Variants in ZNF254 observed in about 807,000 individuals in gnomAD.
ZNF254 encodes the protein zinc finger protein 254.
Under a neutral mutation model 12.4 loss-of-function variants are expected in ZNF254, and 10 were observed. That is an observed-to-expected ratio of 0.80 (90% confidence interval 0.50 to 1.36). The LOEUF (loss-of-function observed/expected upper bound fraction) is 1.36, where lower values mean the gene tolerates loss of function less well. Ranked by LOEUF, ZNF254 falls within the 40% of genes most tolerant of loss-of-function variation. ZNF254 has a pLI of 0.00. For synonymous variants in ZNF254, 305 were observed against 253.4 expected (o/e 1.20, Z -1.93); for missense variants, 996 against 763.9 (o/e 1.30, Z -3.58).
intron 2 of ZNF254, among the ~76,000 whole-genome samples, chr19:24,049,212 A>ATTTT (rs1179977299): frequency 8.3e-4 from 35 of 42,208 alleles, no homozygotes; most frequent in African/African-American, 3.5e-3. Flanking sequence ...ATATATATAT[A>ATTTT]TATTTTTTTT....
At chr19:24,110,821 T>C (rs1973625434) in intron 3 of ZNF254, among the ~76,000 whole-genome samples, 1 of 152,136 alleles carries the variant, frequency 6.6e-6, no homozygotes, top group Non-Finnish European at 1.5e-5. Context: ...GTGGACATAA[T>C]ATTCTCAAAG....
chr19:24,126,939 G>A lies in ZNF254; in HGVS notation c.939G>A (p.Lys313=), dbSNP rs770020714. ...FIWSSTLTEH[K]KIHTRKKPYK... is the part of the protein sequence containing the mutation. ...GGTCCTCAACCCTTACTGAGCATAAGAAAATTCATACTAGAAAGAAACCCT... is the reference window on the plus strand; with the variant it reads ...GGTCCTCAACCCTTACTGAGCATAAAAAAATTCATACTAGAAAGAAACCCT... The change falls in exon 4 of 4, where the codon AAG becomes AAA. Residue 313 remains lysine, a synonymous_variant. Coordinates refer to ENST00000357002, the MANE Select transcript of ZNF254 (RefSeq NM_203282.4). 7.4e-6 allele frequency: 12 copies of A among 1,613,352 alleles called. No individual in the cohort carries two copies. Among genetic ancestry groups the A allele is most frequent in the Middle Eastern group, 1.7e-4 (1 of 6,056 alleles).
At chr19:24,105,915 A>G (rs1973311912) in intron 1 of ZNF254, 25 bp from the exon 2 acceptor site, 3 of 1,577,042 alleles carry the variant, frequency 1.9e-6, no homozygotes, top group Non-Finnish European at 2.6e-6. Flanking sequence ...CTTTGTAAAT[A>G]TGTGTGTTTG....
At chr19:24,123,344 A>C (rs1303385379) in intron 3 of ZNF254, among the ~76,000 whole-genome samples, 1 of 152,178 alleles carries the variant, frequency 6.6e-6, no homozygotes, top group Non-Finnish European at 1.5e-5. Flanking sequence ...TTATCAAGTA[A>C]AATGTATGAG....
chr19:24,034,987 G>A (rs1019107473), intron 1 of ZNF254, among the ~76,000 whole-genome samples: 12 of 152,012 alleles, frequency 7.9e-5, no homozygotes, highest in Non-Finnish European at 1.6e-4. Context: ...GCAGCAAGGG[G>A]AAAGCACCAG....
chr19:24,126,243 T>C lies in ZNF254; in HGVS notation c.254-11T>C. The C allele has an allele frequency of 1.4e-6, 2 of 1,410,084 alleles. No homozygotes were observed. Among genetic ancestry groups the C allele is most frequent in the African/African-American group, 2.9e-5 (2 of 68,252 alleles). The allele number at this position is 1,410,084 out of a possible 1,614,324, so 87.3% of individuals were successfully genotyped here. ...AGTGGAGTAATTTATTTATTTTTAT[T>C]TTTTTTTCAGGTATGTGTCCTCATT... On this transcript the variant is annotated splice_polypyrimidine_tract_variant and intron_variant, in intron 3 of 3. Coordinates refer to ENST00000357002, the MANE Select transcript of ZNF254 (RefSeq NM_203282.4).
intron 1 of ZNF254, among the ~76,000 whole-genome samples, chr19:24,035,568 G>A (rs1969934844): frequency 6.6e-6 from 1 of 152,160 alleles, no homozygotes; most frequent in African/African-American, 2.4e-5. Flanking sequence ...AGCTATTCGG[G>A]AAGCTGAGGC....
At chr19:24,092,229 C>T (rs867880660) in intron 1 of ZNF254, among the ~76,000 whole-genome samples, 2 of 129,408 alleles carry the variant, frequency 1.5e-5, no homozygotes, top group African/African-American at 5.9e-5. Flanking sequence ...GTGCAGTGGG[C>T]GATCTCGGCT....
rs1344250231 is a variant in ZNF254, at chr19:24,129,074, ATTAAAATGTAAGATGCG to A, written c.*1096_*1112del. 6.6e-6 allele frequency: 1 copy of A among 152,024 alleles called. No homozygotes were observed. The highest frequency in any genetic ancestry group is 2.4e-5 in the African/African-American group (1 of 41,438). The allele number at this position is 152,024 out of a possible 1,614,324, so 9.4% of individuals were successfully genotyped here. A position where few individuals can be genotyped will look rare whatever the true frequency, so the allele number is the denominator to read the frequency against. Reference sequence around the variant, plus strand: ...ACCTTTTCTATGAAAAGATAAGGACATTAAAATGTAAGATGCGTGAGGAAAATTTAGGTAGAGAGGCT... The same window carrying A: ...ACCTTTTCTATGAAAAGATAAGGACATGAGGAAAATTTAGGTAGAGAGGCT... On this transcript the variant is annotated 3_prime_UTR_variant, in exon 4 of 4. Transcript: ENST00000357002.
At chr19:24,125,986 C>G (rs547421609) in intron 3 of ZNF254, among the ~76,000 whole-genome samples, 1 of 152,296 alleles carries the variant, frequency 6.6e-6, no homozygotes, top group South Asian at 2.1e-4. Context: ...GTAAATTTAA[C>G]AGACTTTTCT....
Position 24,127,958 on chromosome 19 carries a change from G to A in ZNF254, c.1958G>A (p.Trp653Ter). The stretch of plus-strand genomic sequence containing the variant: ...CTCACCACAGATAAGATAACTCATT[G>A]GAGAGAAATCTTACAAGTATGAATA... ...SHLTTDKITH[W>*]REILQV is the part of the protein sequence containing the mutation. Residue 653 changes from tryptophan (W) to a stop codon, truncating the protein, a stop_gained, in exon 4 of 4, where the codon TGG becomes TAG. Transcript: ENST00000357002. LOFTEE classifies it high-confidence loss of function. 6.4e-7 allele frequency: 1 copy of A among 1,562,506 alleles called. No individual in the cohort carries two copies. Among genetic ancestry groups the A allele is most frequent in the Non-Finnish European group, 8.6e-7 (1 of 1,159,972 alleles).
chr19:24,075,343 TA>T (rs1971620352), intron 2 of ZNF254, among the ~76,000 whole-genome samples: 1 of 152,200 alleles, frequency 6.6e-6, no homozygotes, highest in African/African-American at 2.4e-5. Flanking sequence ...CAGCACCCAA[TA>T]TTTCAATGTA....
intron 1 of ZNF254, among the ~76,000 whole-genome samples, chr19:24,033,971 TTTTG>T (rs1365228227): frequency 2.6e-5 from 4 of 152,202 alleles, no homozygotes; most frequent in Non-Finnish European, 5.9e-5. Flanking sequence ...TTCTTAAACA[TTTTG>T]TTTGTTTGAG....
chr19:24,121,454 T>A (rs186703824), intron 3 of ZNF254, among the ~76,000 whole-genome samples: 33 of 152,366 alleles, frequency 2.2e-4, no homozygotes, highest in Admixed American at 1.4e-3. Flanking sequence ...ATATTTAACT[T>A]TGTACAATTT....
intron 2 of ZNF254, chr19:24,080,256 G>C (rs989079205): frequency 6.6e-6 from 1 of 152,342 alleles, no homozygotes; most frequent in East Asian, 1.9e-4. Context: ...CCTGGGTCTT[G>C]GGTTGAACAA....
At chr19:24,088,061 G>T (rs1972139380) in intron 1 of ZNF254, among the ~76,000 whole-genome samples, 1 of 151,510 alleles carries the variant, frequency 6.6e-6, no homozygotes, top group Non-Finnish European at 1.5e-5. Context: ...GACTACAGGC[G>T]CCCGCCACCA....
In ZNF254 at chr19:24,127,202, T is replaced by C. The variant is rs367975570; in HGVS notation, c.1202T>C (p.Val401Ala). 2 of 1,612,428 alleles carry C rather than the reference T, an allele frequency of 1.2e-6. No homozygotes were observed. The highest frequency in any genetic ancestry group is 1.7e-6 in the Non-Finnish European group (2 of 1,179,386). Residue 401 changes from valine (V) to alanine (A), a missense_variant, in exon 4 of 4, where the codon GTT becomes GCT. Transcript: ENST00000357002. ...STLTTHKIIH[V>A]GEKLYKCEEC... is the part of the protein sequence containing the mutation. The stretch of plus-strand genomic sequence containing the variant: ...CTTACTACACATAAAATAATTCATG[T>C]TGGAGAGAAACTCTACAAATGTGAA...
intron 2 of ZNF254, among the ~76,000 whole-genome samples, chr19:24,058,218 G>C (rs553186010): frequency 5.9e-5 from 9 of 152,202 alleles, no homozygotes; most frequent in African/African-American, 2.2e-4. Context: ...ACATGCCTCT[G>C]TGTAGAACCC....
chr19:24,126,856 A>G lies in ZNF254; in HGVS notation c.856A>G (p.Ile286Val), dbSNP rs772204665. The change falls in exon 4 of 4, where the codon ATA becomes GTA. Residue 286 changes from isoleucine (I) to valine (V), a missense_variant. Transcript: ENST00000357002. ...ATCCTCAAATCTTACTACACATAAG[A>G]TAATTCATACTGGAGAGAAACCTTA... The part of the protein sequence containing the change: ...NRSSNLTTHK[I>V]IHTGEKPYKC... 1.2e-6 allele frequency: 2 copies of G among 1,613,472 alleles called. No individual in the cohort carries two copies. The highest frequency in any genetic ancestry group is 2.7e-5 in the African/African-American group (2 of 74,918).
Sources: allele counts gnomAD v4.1 joint callset (sites outside exome capture counted in the v4.1 genomes callset), GRCh38; gene constraint gnomAD v4.1.1; transcripts MANE v1.5; gene names NCBI Gene and HGNC (gene_info 2026-07-23, HGNC 2026-07-21).